The following KIAA0319 variants were observed in gnomAD, a reference collection of about 807,000 sequenced individuals.
KIAA0319 encodes the protein dyslexia-associated protein KIAA0319.
KIAA0319 carries 83 observed loss-of-function variants against 108.4 expected under a neutral mutation model. That is an observed-to-expected ratio of 0.77 (90% CI 0.64 to 0.92). The LOEUF (loss-of-function observed/expected upper bound fraction) is 0.92. Ranked by LOEUF, KIAA0319 falls within the 40% of genes least tolerant of loss-of-function variation. The pLI, the probability that KIAA0319 is intolerant of heterozygous loss-of-function variation, is 0.00. For synonymous variants in KIAA0319, 484 were observed against 510.4 expected (o/e 0.95, Z 0.70); for missense variants, 1,195 against 1,322.4 (o/e 0.90, Z 1.49).
At position 24,546,622 on chromosome 6, in the gene KIAA0319, C is replaced by G. The variant is rs773701468; in HGVS notation, c.*543G>C. The stretch of plus-strand genomic sequence containing the variant: ...AGCACAGAATTAAAAACCAGGAGGG[C>G]TTGGCACTGTGCGAGTGTTGCCGTC... On this transcript the variant is annotated 3_prime_UTR_variant, in exon 21 of 21. Transcript: ENST00000378214. 1 of 153,596 alleles carries G rather than the reference C, an allele frequency of 6.5e-6. No individual in the cohort carries two copies. Among genetic ancestry groups the G allele is most frequent in the Non-Finnish European group, 1.5e-5 (1 of 68,952 alleles). 9.5% of individuals were successfully genotyped at this position (153,596 alleles called of 1,614,324 possible).
intron 1 of KIAA0319, among the ~76,000 whole-genome samples, chr6:24,623,056 AG>A (rs1450849334): frequency 2.1e-5 from 3 of 145,702 alleles, no homozygotes; most frequent in Non-Finnish European, 4.7e-5. Context: ...GAAAAAAAAA[AG>A]AGAGAGAGAG....
chr6:24,634,615 T>C (rs963919356), intron 1 of KIAA0319, among the ~76,000 whole-genome samples: 1 of 152,216 alleles, frequency 6.6e-6, no homozygotes, highest in African/African-American at 2.4e-5. Flanking sequence ...CATGATTACA[T>C]TATAGTAGAT....
At chr6:24,612,100 G>T (rs192975236) in intron 1 of KIAA0319, among the ~76,000 whole-genome samples, 7 of 149,456 alleles carry the variant, frequency 4.7e-5, no homozygotes, top group East Asian at 2.0e-4. Flanking sequence ...CTCACAAAAA[G>T]AAAAATGCAA....
At chr6:24,640,339 C>T (rs1776760441) in intron 1 of KIAA0319, among the ~76,000 whole-genome samples, 1 of 152,162 alleles carries the variant, frequency 6.6e-6, no homozygotes, top group Admixed American at 6.6e-5. Flanking sequence ...GATGTTTAAG[C>T]TCTATCCTTA....
intron 1 of KIAA0319, among the ~76,000 whole-genome samples, chr6:24,632,242 A>T (rs972515711): frequency 6.6e-6 from 1 of 152,230 alleles, no homozygotes; most frequent in South Asian, 2.1e-4. Context: ...AGTCATTTAT[A>T]ATAGTTCTTT....
chr6:24,577,682 T>C (rs887201249), intron 9 of KIAA0319, among the ~76,000 whole-genome samples: 4 of 152,142 alleles, frequency 2.6e-5, no homozygotes, highest in Non-Finnish European at 5.9e-5. Context: ...TTCCACACTA[T>C]CCCTCATACT....
chr6:24,607,104 C>T lies in KIAA0319; in HGVS notation c.-105-5896G>A, dbSNP rs368175933. Among the ~76,000 whole-genome samples the T allele has an allele frequency of 5.1e-4, 77 of 152,312 alleles. 1 individual carries two copies. The highest frequency in any genetic ancestry group is 1.5e-3 in the African/African-American group (62 of 41,572). On this transcript the variant is annotated intron_variant, in intron 1 of 20. Transcript: ENST00000378214. ...GGTGCGGTGGCTCATGCCTGTAATC[C>T]CAGCACTTTGGGAGGCCGAGGCAGG...
In KIAA0319 at chr6:24,563,537, C is replaced by T; in HGVS notation, c.2432-19G>A. 6.3e-7 allele frequency: 1 copy of T among 1,594,360 alleles called. No individual in the cohort carries two copies. Among genetic ancestry groups the T allele is most frequent in the Non-Finnish European group, 8.5e-7 (1 of 1,172,740 alleles). On this transcript the variant is annotated intron_variant, in intron 15 of 20. Coordinates refer to ENST00000378214, the MANE Select transcript of KIAA0319 (RefSeq NM_014809.4). The stretch of plus-strand genomic sequence containing the variant: ...CTAGGGTCTGGGGAAAGAGAAGATA[C>T]AGGATTTGCACTTGGACATTTGCAC...
At chr6:24,597,940 A>AAAAAAAAAAAAAAAAAAAAAAAC (rs1562032993) in intron 2 of KIAA0319, 28 of 147,074 alleles carry the variant, frequency 1.9e-4, no homozygotes, top group African/African-American at 7.1e-4. Flanking sequence ...AAAAAAAAAA[A>AAAAAAAAAAAAAAAAAAAAAAAC]AAAAAAAAAA....
At chr6:24,619,255 C>T (rs972436847) in intron 1 of KIAA0319, among the ~76,000 whole-genome samples, 11 of 152,168 alleles carry the variant, frequency 7.2e-5, no homozygotes, top group Non-Finnish European at 1.6e-4. Flanking sequence ...GTATAGCAAT[C>T]AAAGGCAGAA....
chr6:24,551,335 C>A, intron 20 of KIAA0319, 99 bp downstream of exon 20: 1 of 810,488 alleles, frequency 1.2e-6, no homozygotes, highest in Non-Finnish European at 2.1e-6. Context: ...AAAGTGCTGA[C>A]TCCAGCAAAT....
chr6:24,635,139 A>G (rs1776037196), intron 1 of KIAA0319, among the ~76,000 whole-genome samples: 2 of 146,652 alleles, frequency 1.4e-5, no homozygotes, highest in South Asian at 2.1e-4. Context: ...GAGTTTCACT[A>G]TTGTTGCCCA....
intron 19 of KIAA0319, among the ~76,000 whole-genome samples, chr6:24,552,160 TG>T (rs1761604477): frequency 6.6e-6 from 1 of 152,186 alleles, no homozygotes; most frequent in South Asian, 2.1e-4. Context: ...AGCAATATTC[TG>T]GGAGCATGAT....
At position 24,557,181 on chromosome 6, in the gene KIAA0319, GT is replaced by G. The variant is rs536825976; in HGVS notation, c.2735-453del. On this transcript the variant is annotated intron_variant, in intron 17 of 20. Transcript: ENST00000378214. ...GATCGCGCCACTGCACTCCAGCCTG[GT>G]GACAGAGCAAGACTTTGTCTCAAAA... is the stretch of plus-strand genomic sequence containing the variant. Among the ~76,000 whole-genome samples the G allele has an allele frequency of 6.6e-5, 10 of 150,618 alleles. No individual in the cohort carries two copies. In the East Asian group the frequency reaches 1.9e-3, roughly 29 times the overall value.
At chr6:24,629,314 G>A (rs977130916) in intron 1 of KIAA0319, among the ~76,000 whole-genome samples, 2 of 151,956 alleles carry the variant, frequency 1.3e-5, no homozygotes, top group East Asian at 1.9e-4. Context: ...AGGAGATTGA[G>A]ACCATCCTGG....
In KIAA0319 at chr6:24,551,496, GT is replaced by G; in HGVS notation, c.2977del (p.Thr993GlnfsTer17). 3 of 1,611,718 alleles carry G rather than the reference GT, an allele frequency of 1.9e-6. No individual in the cohort carries two copies. The highest frequency in any genetic ancestry group is 2.5e-6 in the Non-Finnish European group (3 of 1,177,952). ...CATGTTATCCAGGATGGTGTACTTT[GT>G]TTTTTTCCTGATTTTAGTCCTTTTT... is the stretch of plus-strand genomic sequence containing the variant. ...RQKRTKIRKK[T>X]KYTILDNMDE... On this transcript the variant is annotated frameshift_variant, in exon 20 of 21. Transcript: ENST00000378214. LOFTEE classifies it high-confidence loss of function.
chr6:24,610,823 T>C (rs1002868389), intron 1 of KIAA0319, among the ~76,000 whole-genome samples: 3 of 151,710 alleles, frequency 2.0e-5, no homozygotes, highest in African/African-American at 7.3e-5. Context: ...AGCCAAAAAG[T>C]AGAAACAACC....
chr6:24,627,427 G>C (rs544114620), intron 1 of KIAA0319, among the ~76,000 whole-genome samples: 51 of 151,988 alleles, frequency 3.4e-4, no homozygotes, highest in African/African-American at 1.2e-3. Context: ...AAGGTGATTA[G>C]GTCTTAGTGA....
At chr6:24,581,052 G>T (rs777656118) in intron 6 of KIAA0319, 39 bp from the exon 7 acceptor site, 1 of 1,275,982 alleles carries the variant, frequency 7.8e-7, no homozygotes, top group South Asian at 1.2e-5. Flanking sequence ...CAACATGCAA[G>T]ACGTGATGGG....
Sources: gnomAD v4.1 joint callset for allele counts (sites outside exome capture counted in the v4.1 genomes callset) on GRCh38, gnomAD v4.1.1 for gene constraint, MANE v1.5 for transcripts, NCBI Gene and HGNC (gene_info 2026-07-23, HGNC 2026-07-21) for gene names.